The following MICAL2 variants were observed in gnomAD, a reference collection of about 807,000 sequenced individuals.
MICAL2 encodes the protein microtubule associated monooxygenase, calponin and LIM domain containing 2.
MICAL2 carries 77 observed loss-of-function variants against 127.3 expected under a neutral mutation model. The observed-to-expected ratio is 0.60, with a 90% confidence interval of 0.50 to 0.73. MICAL2 has a LOEUF of 0.73. Ranked by LOEUF, MICAL2 falls within the 30% of genes least tolerant of loss-of-function variation. MICAL2 has a pLI of 0.00. For missense variants in MICAL2, 1,351 were observed against 1,434.4 expected, an observed-to-expected ratio of 0.94 and a Z score of 0.94; for synonymous variants, 570 against 551.1, an observed-to-expected ratio of 1.03 and a Z score of -0.48.
intron 26 of MICAL2, chr11:12,260,102 G>A (rs1862893246): frequency 3.3e-6 from 5 of 1,536,156 alleles, no homozygotes; most frequent in Non-Finnish European, 4.4e-6. Flanking sequence ...GCCATGTACA[G>A]GGAATCTGAG....
chr11:12,181,664 G>T (rs549857270), intron 3 of MICAL2, among the ~76,000 whole-genome samples: 2 of 152,340 alleles, frequency 1.3e-5, no homozygotes, highest in South Asian at 4.1e-4. Context: ...GATCAAGGCA[G>T]CATCACCCAC....
intron 3 of MICAL2, among the ~76,000 whole-genome samples, chr11:12,178,348 A>G (rs1413922069): frequency 2.0e-5 from 3 of 152,172 alleles, no homozygotes; most frequent in Non-Finnish European, 1.5e-5. Context: ...CCCGTGACAC[A>G]GCCTCAGGAG....
At chr11:12,183,716 G>C (rs1256134744) in intron 3 of MICAL2, among the ~76,000 whole-genome samples, 1 of 152,198 alleles carries the variant, frequency 6.6e-6, no homozygotes, top group East Asian at 1.9e-4. Context: ...GTGTGGCACA[G>C]GGCCTGAGAG....
At chr11:12,292,814 T>C (rs1863922330), downstream of MICAL2, among the ~76,000 whole-genome samples, 1 of 152,234 alleles carries the variant, frequency 6.6e-6, no homozygotes, top group Non-Finnish European at 1.5e-5. Flanking sequence ...GAAAGTAGAA[T>C]GCACAAGACA....
downstream of MICAL2, among the ~76,000 whole-genome samples, chr11:12,288,037 G>A (rs1047362266): frequency 3.3e-5 from 5 of 152,166 alleles, no homozygotes. Context: ...CTGAGTCAAG[G>A]CTCCCAGCCA....
chr11:12,226,181 T>G lies in MICAL2; in HGVS notation c.1699T>G (p.Ser567Ala), dbSNP rs759039770. Reference sequence around the variant, plus strand: ...GTTTTGATTCTCTAGCAACTTTGACTCTTTGAATGAAGATGATGCTGTGGA... The same window carrying G: ...GTTTTGATTCTCTAGCAACTTTGACGCTTTGAATGAAGATGATGCTGTGGA... ...RFRPELINFD[S>A]LNEDDAVENN... The change falls in exon 14 of 28, where the codon TCT (serine) becomes GCT (alanine). Residue 567 changes from serine to alanine, a missense_variant. By Grantham distance (99) the Ser-to-Ala change is moderately conservative. Transcript: ENST00000683283. 6.2e-7 allele frequency: 1 copy of G among 1,614,214 alleles called. No individual in the cohort carries two copies. Among genetic ancestry groups the G allele is most frequent in the Non-Finnish European group, 8.5e-7 (1 of 1,180,026 alleles).
intron 18 of MICAL2, 97 bp from the exon 19 acceptor site, chr11:12,242,117 C>T: frequency 2.0e-6 from 2 of 1,017,520 alleles, no homozygotes; most frequent in East Asian, 2.7e-5. Context: ...GCACCTGGTG[C>T]ACCCTTTGTC....
In MICAL2 at chr11:12,319,569, G is replaced by C. The variant is rs1487659856; in HGVS notation, c.5213-127G>C. 5.6e-5 allele frequency: 38 copies of C among 673,718 alleles called. No homozygotes were observed. The Admixed American group carries it at 9.8e-4, about 17-fold the overall frequency. The allele number at this position is 673,718 out of a possible 1,614,324, so 41.7% of individuals were successfully genotyped here. A position where few individuals can be genotyped will look rare whatever the true frequency, so the allele number is the denominator to read the frequency against. On this transcript the variant is annotated intron_variant, in intron 29 of 34. Coordinates refer to the MICAL2 transcript ENST00000646065. ...GTACTGTTGCCTCATGCTCACGGCA[G>C]GTGCAGTGAGGGGAGGGCAGGGAGG... is the stretch of plus-strand genomic sequence containing the variant.
chr11:12,126,078 C>T (rs193236392), intron 1 of MICAL2, among the ~76,000 whole-genome samples: 14 of 152,360 alleles, frequency 9.2e-5, no homozygotes, highest in Admixed American at 8.5e-4. Context: ...CCTGCAGAGC[C>T]TGGCATAGGC....
intron 29 of MICAL2, among the ~76,000 whole-genome samples, chr11:12,317,275 C>T (rs540464356): frequency 6.6e-6 from 1 of 152,272 alleles, no homozygotes; most frequent in South Asian, 2.1e-4. Context: ...TGGAAAGACC[C>T]TCTAGGCAGA....
chr11:12,201,181 C>A (rs575153769), intron 3 of MICAL2, among the ~76,000 whole-genome samples: 1 of 152,082 alleles, frequency 6.6e-6, no homozygotes, highest in Non-Finnish European at 1.5e-5. Flanking sequence ...CGTGGGCTTG[C>A]ACACCCACTC....
chr11:12,144,036 G>A (rs1235659164), intron 2 of MICAL2, among the ~76,000 whole-genome samples: 1 of 152,082 alleles, frequency 6.6e-6, no homozygotes, highest in Admixed American at 6.5e-5. Flanking sequence ...GCTGAGGTCT[G>A]CCCCAGGAAA....
intron 31 of MICAL2, among the ~76,000 whole-genome samples, chr11:12,324,860 G>T (rs147590989): frequency 6.6e-6 from 1 of 152,194 alleles, no homozygotes; most frequent in African/African-American, 2.4e-5. Flanking sequence ...CCTAGTGAAT[G>T]GGGAAAAGTC....
chr11:12,271,381 G>A (rs775092191), upstream of MICAL2, among the ~76,000 whole-genome samples: 44 of 152,218 alleles, frequency 2.9e-4, no homozygotes, highest in Non-Finnish European at 2.4e-4. Context: ...CTGGTGGTGT[G>A]GGCATGCAGC....
intron 25 of MICAL2, 53 bp from the exon 26 acceptor site, chr11:12,259,742 T>G (rs1862844658): frequency 6.9e-7 from 1 of 1,456,738 alleles, no homozygotes; most frequent in South Asian, 1.4e-5. Context: ...TTTGTTGAAG[T>G]AGTCCTCTGG....
chr11:12,315,879 G>T (rs1864226461), intron 29 of MICAL2, among the ~76,000 whole-genome samples: 1 of 151,964 alleles, frequency 6.6e-6, no homozygotes, highest in African/African-American at 2.4e-5. Flanking sequence ...TTTCAGTTTG[G>T]TCAATTTTTG....
intron 3 of MICAL2, among the ~76,000 whole-genome samples, chr11:12,181,839 G>A (rs555969035): frequency 2.6e-5 from 4 of 152,286 alleles, no homozygotes; most frequent in African/African-American, 4.8e-5. Flanking sequence ...TCTGGTACAC[G>A]GATTTTTAAT....
intron 2 of MICAL2, among the ~76,000 whole-genome samples, chr11:12,144,301 C>G (rs1313166146): frequency 6.6e-6 from 1 of 152,152 alleles, no homozygotes; most frequent in African/African-American, 2.4e-5. Context: ...TTTATTCAGC[C>G]AAGAGAAATG....
intron 3 of MICAL2, among the ~76,000 whole-genome samples, chr11:12,163,421 A>C (rs1484693557): frequency 6.6e-6 from 1 of 152,058 alleles, no homozygotes; most frequent in Non-Finnish European, 1.5e-5. Context: ...AGAGGATTGA[A>C]CTCTCCATGG....
Sources: gnomAD v4.1 joint callset for allele counts (sites outside exome capture counted in the v4.1 genomes callset) on GRCh38, gnomAD v4.1.1 for gene constraint, MANE v1.5 for transcripts, NCBI Gene and HGNC (gene_info 2026-07-23, HGNC 2026-07-21) for gene names.